PACRG: variants seen among roughly 807,000 people sequenced by gnomAD.
PACRG encodes the protein parkin coregulated gene protein.
Under a neutral mutation model 29.7 loss-of-function variants are expected in PACRG, and 29 were observed. That is an observed-to-expected ratio of 0.98 (90% CI 0.73 to 1.33). The LOEUF (loss-of-function observed/expected upper bound fraction) is 1.33, where lower values mean the gene tolerates loss of function less well. Ranked by LOEUF, PACRG falls within the 40% of genes most tolerant of loss-of-function variation. The pLI is 0.00. For synonymous variants in PACRG, 116 were observed against 118.7 expected (o/e 0.98, Z 0.15); for missense variants, 279 against 316.2 (o/e 0.88, Z 0.89).
intron 2 of PACRG, among the ~76,000 whole-genome samples, chr6:163,012,614 A>C (rs906582161): frequency 3.9e-5 from 6 of 152,262 alleles, no homozygotes; most frequent in African/African-American, 1.4e-4. Context: ...GCCCAGCTCC[A>C]GTGGCTACAT....
At chr6:163,294,464 G>A (rs906236701) in intron 4 of PACRG, among the ~76,000 whole-genome samples, 2 of 152,124 alleles carry the variant, frequency 1.3e-5, no homozygotes, top group African/African-American at 4.8e-5. Flanking sequence ...AAGGTCAGGT[G>A]GTCAATGTTG....
intron 4 of PACRG, among the ~76,000 whole-genome samples, chr6:163,140,550 G>T (rs544085546): frequency 6.6e-6 from 1 of 152,324 alleles, no homozygotes; most frequent in African/African-American, 2.4e-5. Context: ...TACTAGCTGG[G>T]AAAGAGAGAG....
intron 4 of PACRG, among the ~76,000 whole-genome samples, chr6:163,255,686 G>A (rs539692226): frequency 6.6e-6 from 1 of 152,236 alleles, no homozygotes; most frequent in East Asian, 1.9e-4. Flanking sequence ...ACCCAGGCTG[G>A]AGTGCAATGG....
chr6:163,058,317 A>G (rs1185143403), intron 2 of PACRG, among the ~76,000 whole-genome samples: 1 of 152,112 alleles, frequency 6.6e-6, no homozygotes, highest in African/African-American at 2.4e-5. Context: ...AGAATCCAGC[A>G]GCTCCTTACA....
chr6:163,073,497 G>A (rs1392687526), intron 3 of PACRG, among the ~76,000 whole-genome samples: 1 of 152,132 alleles, frequency 6.6e-6, no homozygotes, highest in Non-Finnish European at 1.5e-5. Context: ...AAACATTGGG[G>A]AAAATCTCCA....
At chr6:162,802,449 A>G (rs569561263) in intron 1 of PACRG, among the ~76,000 whole-genome samples, 25 of 152,248 alleles carry the variant, frequency 1.6e-4, no homozygotes, top group African/African-American at 5.1e-4. Flanking sequence ...TTGGTTATAC[A>G]TATAGCTTGT....
intron 1 of PACRG, among the ~76,000 whole-genome samples, chr6:162,733,403 A>G (rs771116942): frequency 6.6e-6 from 1 of 152,236 alleles, no homozygotes; most frequent in Non-Finnish European, 1.5e-5. Flanking sequence ...TAAATATTTG[A>G]TGAATGAAGG....
intron 2 of PACRG, among the ~76,000 whole-genome samples, chr6:162,961,044 G>A (rs573394976): frequency 6.6e-6 from 1 of 152,274 alleles, no homozygotes; most frequent in African/African-American, 2.4e-5. Context: ...GATGAGGATT[G>A]CATACTTACC....
At chr6:163,240,253 G>A (rs1458335211) in intron 4 of PACRG, among the ~76,000 whole-genome samples, 1 of 148,702 alleles carries the variant, frequency 6.7e-6, no homozygotes, top group Non-Finnish European at 1.5e-5. Context: ...AGGAGGAGGG[G>A]GGGACGTGCA....
intron 4 of PACRG, among the ~76,000 whole-genome samples, chr6:163,253,032 C>T (rs1425988993): frequency 3.3e-5 from 5 of 151,700 alleles, no homozygotes; most frequent in African/African-American, 1.2e-4. Flanking sequence ...CATGGTGGCT[C>T]GTACCTGTAA....
At chr6:162,983,181 G>A (rs971591098) in intron 2 of PACRG, among the ~76,000 whole-genome samples, 3 of 151,830 alleles carry the variant, frequency 2.0e-5, no homozygotes, top group Non-Finnish European at 2.9e-5. Context: ...CCTTTCTCTA[G>A]GAGTTTATGT....
chr6:163,064,838 G>T (rs1219727370), intron 3 of PACRG, among the ~76,000 whole-genome samples: 2 of 147,716 alleles, frequency 1.4e-5, no homozygotes, highest in African/African-American at 2.5e-5. Flanking sequence ...CAGACTAGAA[G>T]TTTTTTTTTT....
At chr6:163,155,306 C>T (rs949031326) in intron 4 of PACRG, among the ~76,000 whole-genome samples, 3 of 152,218 alleles carry the variant, frequency 2.0e-5, no homozygotes, top group Non-Finnish European at 4.4e-5. Context: ...GAGGCTCGTC[C>T]CTCCATGAAG....
intron 2 of PACRG, among the ~76,000 whole-genome samples, chr6:162,943,649 T>G (rs1262830239): frequency 6.6e-6 from 1 of 152,030 alleles, no homozygotes; most frequent in Non-Finnish European, 1.5e-5. Flanking sequence ...ACAGACTCAC[T>G]TAGCCTGGCT....
At chr6:163,155,122 C>A (rs1255635248) in intron 4 of PACRG, among the ~76,000 whole-genome samples, 1 of 152,216 alleles carries the variant, frequency 6.6e-6, no homozygotes, top group African/African-American at 2.4e-5. Flanking sequence ...ACTCTCAAAT[C>A]AACTGCTGCG....
chr6:162,956,987 C>T (rs1161648983), intron 2 of PACRG, among the ~76,000 whole-genome samples: 1 of 151,926 alleles, frequency 6.6e-6, no homozygotes, highest in African/African-American at 2.4e-5. Context: ...GGGTAAATCT[C>T]ACCTGATCTT....
chr6:163,041,838 A>T (rs1168513088), intron 2 of PACRG, among the ~76,000 whole-genome samples: 1 of 152,184 alleles, frequency 6.6e-6, no homozygotes, highest in Non-Finnish European at 1.5e-5. Flanking sequence ...CCCTGTCTTC[A>T]CAGACATGCA....
rs547791701 is a variant in PACRG at position 163,115,246 on chromosome 6, G to C, written c.613+25838G>C. 2.6e-5 allele frequency among the ~76,000 whole-genome samples: 4 copies of C among 152,282 alleles called. No individual in the cohort carries two copies. In the South Asian group the frequency reaches 6.2e-4, roughly 24 times the overall value. ...GCTGTGACCTTATTATACTGGGCTGGATTCTGTGGGGTGGGACTGAGTAGA... is the reference window on the plus strand; with the variant it reads ...GCTGTGACCTTATTATACTGGGCTGCATTCTGTGGGGTGGGACTGAGTAGA... On this transcript the variant is annotated intron_variant, in intron 4 of 4. Coordinates refer to ENST00000366888, the MANE Select transcript of PACRG (RefSeq NM_001080379.2).
intron 2 of PACRG, among the ~76,000 whole-genome samples, chr6:163,046,370 T>TTTTTTTTTTTTTTTTTTTTTTTTTG (rs1809381148): frequency 6.8e-6 from 1 of 147,254 alleles, no homozygotes; most frequent in African/African-American, 2.5e-5. Flanking sequence ...CTTGAAATCT[T>TTTTTTTTTTTTTTTTTTTTTTTTTG]ACTTAACTTT....
Sources: gnomAD v4.1 joint callset for allele counts (sites outside exome capture counted in the v4.1 genomes callset) on GRCh38, gnomAD v4.1.1 for gene constraint, MANE v1.5 for transcripts, NCBI Gene and HGNC (gene_info 2026-07-23, HGNC 2026-07-21) for gene names.